Variants in PAIP1 observed in about 807,000 individuals in gnomAD.
PAIP1 encodes polyadenylate-binding protein-interacting protein 1.
A neutral mutation model predicts 61.3 loss-of-function variants in PAIP1; 16 were observed. The ratio of observed to expected loss-of-function variants is 0.26; its 90% CI spans 0.18 to 0.40. PAIP1 has a LOEUF of 0.40. Ranked by LOEUF, PAIP1 falls within the 10% of genes least tolerant of loss-of-function variation. PAIP1 has a pLI of 1.00. For missense variants in PAIP1, 416 were observed against 600.9 expected (o/e 0.69, Z 3.22); for synonymous variants, 187 against 226.2 (o/e 0.83, Z 1.56).
intron 1 of PAIP1, 144 bp from the exon 2 acceptor site, chr5:43,556,143 G>T: frequency 1.4e-6 from 2 of 1,424,722 alleles, no homozygotes; most frequent in Non-Finnish European, 1.9e-6. Flanking sequence ...TCGCCGGAAT[G>T]TGTACAGACA....
chr5:43,539,899 CTTTAT>C (rs1434184521), intron 4 of PAIP1, among the ~76,000 whole-genome samples: 1 of 152,144 alleles, frequency 6.6e-6, no homozygotes, highest in Non-Finnish European at 1.5e-5. Flanking sequence ...TATTTGTAAT[CTTTAT>C]TGATAAGGTG....
intron 5 of PAIP1, among the ~76,000 whole-genome samples, 176 bp downstream of exon 5, chr5:43,538,748 T>C (rs1471749209): frequency 3.3e-5 from 5 of 152,236 alleles, no homozygotes; most frequent in Non-Finnish European, 5.9e-5. Context: ...GTAAATGTTA[T>C]GGACAGACGG....
At chr5:43,541,876 T>C (rs1347314439) in intron 4 of PAIP1, among the ~76,000 whole-genome samples, 2 of 151,900 alleles carry the variant, frequency 1.3e-5, no homozygotes, top group Non-Finnish European at 2.9e-5. Context: ...GAAACAAGCA[T>C]AGCAAAGAAT....
intron 5 of PAIP1, among the ~76,000 whole-genome samples, chr5:43,538,057 G>A (rs968765373): frequency 3.4e-5 from 5 of 148,766 alleles, no homozygotes; most frequent in Non-Finnish European, 7.4e-5. Flanking sequence ...ATGCCGTGCT[G>A]AATCCAGCAC....
chr5:43,541,720 A>G (rs1167936962), intron 4 of PAIP1, among the ~76,000 whole-genome samples: 2 of 69,436 alleles, frequency 2.9e-5, no homozygotes, highest in Non-Finnish European at 6.5e-5. Flanking sequence ...AATAAACTTG[A>G]AGATAACCTT....
chr5:43,539,469 ACACACACACACAC>A lies in PAIP1; in HGVS notation c.735-447_735-435del, dbSNP rs1579914727. Among the ~76,000 whole-genome samples, 5 of 151,910 alleles carry A rather than the reference ACACACACACACAC, an allele frequency of 3.3e-5. No individual in the cohort carries two copies. In the East Asian group the frequency reaches 9.7e-4, roughly 29 times the overall value. ...TCTTTAAATACACACACACACACAC[ACACACACACACAC>A]ACACAACCTCCAACTGAAAATAAAA... On this transcript the variant is annotated intron_variant, in intron 4 of 10. Coordinates refer to ENST00000306846, the MANE Select transcript of PAIP1 (RefSeq NM_006451.5).
rs1748127176 is a variant in PAIP1, at chr5:43,557,011, A to T, written c.-165T>A. On this transcript the variant is annotated 5_prime_UTR_variant, in exon 1 of 11. Coordinates refer to ENST00000306846, the MANE Select transcript of PAIP1 (RefSeq NM_006451.5). Reference sequence around the variant, plus strand: ...CTCGGCTGCTCGGTGCTTCTGGCGGAGCGGACGGCAGCCCGAGCACCCGCC... The same window carrying T: ...CTCGGCTGCTCGGTGCTTCTGGCGGTGCGGACGGCAGCCCGAGCACCCGCC... The T allele has an allele frequency of 1.7e-6, 2 of 1,175,224 alleles. No homozygotes were observed. The highest frequency in any genetic ancestry group is 1.1e-6 in the Non-Finnish European group (1 of 932,832). The allele number at this position is 1,175,224 out of a possible 1,614,324, so 72.8% of individuals were successfully genotyped here.
At chr5:43,537,042 C>T (rs1229466820) in intron 5 of PAIP1, 98 bp from the exon 6 acceptor site, 1 of 795,968 alleles carries the variant, frequency 1.3e-6, no homozygotes, top group African/African-American at 1.8e-5. Flanking sequence ...AGCATTTTAG[C>T]TAAATCACAA....
intron 4 of PAIP1, among the ~76,000 whole-genome samples, chr5:43,542,075 C>T (rs1209491286): frequency 6.6e-6 from 1 of 151,322 alleles, no homozygotes; most frequent in Non-Finnish European, 1.5e-5. Flanking sequence ...ACTGGGGAGG[C>T]TGAGGCACGA....
intron 3 of PAIP1, among the ~76,000 whole-genome samples, chr5:43,546,448 C>G (rs887794526): frequency 7.9e-5 from 12 of 152,214 alleles, no homozygotes; most frequent in African/African-American, 2.9e-4. Flanking sequence ...GTTCTGTCTT[C>G]CTAACATCTC....
chr5:43,551,439 G>A (rs1315259233), intron 2 of PAIP1, among the ~76,000 whole-genome samples: 3 of 152,308 alleles, frequency 2.0e-5, no homozygotes, highest in Admixed American at 6.5e-5. Context: ...CTTACCTCTA[G>A]AGTGAGAAAA....
Position 43,556,792 on chromosome 5 carries a change from G to A in PAIP1, c.55C>T (p.Leu19=). Reference sequence around the variant, plus strand: ...TCAGGCCCGCCCCCTCCGCGGCCCAGGCCCCGGCTCCGGCCCCGACCAGCA... The same window carrying A: ...TCAGGCCCGCCCCCTCCGCGGCCCAAGCCCCGGCTCCGGCCCCGACCAGCA... ...PGAGRGRSRG[L]GRGGGGPEGG... The change falls in exon 1 of 11, where the codon CTG becomes TTG. Residue 19 remains leucine (L), a synonymous_variant. Transcript: ENST00000306846. 1 of 1,452,492 alleles carries A rather than the reference G, an allele frequency of 6.9e-7. No individual in the cohort carries two copies. The highest frequency in any genetic ancestry group is 1.4e-5 in the South Asian group (1 of 73,966). 90.0% of individuals were successfully genotyped at this position (1,452,492 alleles called of 1,614,324 possible). A position where few individuals can be genotyped will look rare whatever the true frequency, so the allele number is the denominator to read the frequency against.
At chr5:43,547,676 T>C in intron 3 of PAIP1, 52 bp downstream of exon 3, 1 of 1,185,120 alleles carries the variant, frequency 8.4e-7, no homozygotes, top group Non-Finnish European at 1.2e-6. Context: ...CCACTATCCT[T>C]GGGCTTCAAG....
At chr5:43,539,210 T>C in intron 4 of PAIP1, among the ~76,000 whole-genome samples, 175 bp from the exon 5 acceptor site, 1 of 152,156 alleles carries the variant, frequency 6.6e-6, no homozygotes, top group Non-Finnish European at 1.5e-5. Context: ...ATATACACCA[T>C]CTTTTCATAC....
chr5:43,536,533 G>A (rs574693109), intron 6 of PAIP1, among the ~76,000 whole-genome samples: 1 of 152,216 alleles, frequency 6.6e-6, no homozygotes, highest in Non-Finnish European at 1.5e-5. Flanking sequence ...CCAGAACAGA[G>A]TAAGATCTTA....
At chr5:43,542,888 A>AT in intron 4 of PAIP1, 116 bp downstream of exon 4, 1 of 564,386 alleles carries the variant, frequency 1.8e-6, no homozygotes, top group Non-Finnish European at 3.2e-6. Flanking sequence ...TATAATGCAC[A>AT]TAAGAATAGG....
At chr5:43,531,327 TGAAAAAA>T (rs1378219535) in intron 9 of PAIP1, among the ~76,000 whole-genome samples, 1 of 86,596 alleles carries the variant, frequency 1.2e-5, no homozygotes, top group African/African-American at 4.3e-5. Context: ...AAAAAAAAAA[TGAAAAAA>T]GAAAAAAGAA....
chr5:43,527,495 G>C, intron 10 of PAIP1, 26 bp from the exon 11 acceptor site: 1 of 1,568,468 alleles, frequency 6.4e-7, no homozygotes. Flanking sequence ...TGATTCATAA[G>C]TGTAAGGTTT....
At chr5:43,552,753 TG>T (rs1747912629) in intron 2 of PAIP1, among the ~76,000 whole-genome samples, 1 of 151,964 alleles carries the variant, frequency 6.6e-6, no homozygotes, top group Non-Finnish European at 1.5e-5. Context: ...CTTAAAACAA[TG>T]GGAGGGAGCT....
Sources: allele counts gnomAD v4.1 joint callset (sites outside exome capture counted in the v4.1 genomes callset), GRCh38; gene constraint gnomAD v4.1.1; transcripts MANE v1.5; gene names NCBI Gene and HGNC (gene_info 2026-07-23, HGNC 2026-07-21).